Variants in CCDC141 observed in about 807,000 individuals in gnomAD.
The protein encoded by CCDC141 is coiled-coil domain-containing protein 141.
A neutral mutation model predicts 181.0 loss-of-function variants in CCDC141; 168 were observed. The observed-to-expected ratio is 0.93, with a 90% CI of 0.82 to 1.05. The LOEUF is 1.05. Among genes scored for constraint, CCDC141 ranks in the 50% least tolerant of loss-of-function variants. CCDC141 has a pLI of 0.00. For synonymous variants in CCDC141, 666 were observed against 642.3 expected (o/e 1.04, Z -0.56); for missense variants, 1,902 against 1,788.5 (o/e 1.06, Z -1.14).
At chr2:178,845,478 G>T (rs1360210730) in intron 22 of CCDC141, 148 bp downstream of exon 22, 2 of 597,470 alleles carry the variant, frequency 3.3e-6, no homozygotes, top group Admixed American at 5.9e-5. Context: ...AAGGAAGCAA[G>T]GGAGGAGGAA....
At chr2:178,998,192 G>GA in intron 2 of CCDC141, among the ~76,000 whole-genome samples, 1 of 152,296 alleles carries the variant, frequency 6.6e-6, no homozygotes, top group African/African-American at 2.4e-5. Flanking sequence ...GGGAGCTGTA[G>GA]AAAGTACTTC....
Position 178,833,242 on chromosome 2 carries a change from C to G in CCDC141, c.*931G>C, listed in dbSNP as rs1684331912. 1 of 152,080 alleles carries G rather than the reference C, an allele frequency of 6.6e-6. No homozygotes were observed. Among genetic ancestry groups the G allele is most frequent in the Non-Finnish European group, 1.5e-5 (1 of 68,010 alleles). The allele number at this position is 152,080 out of a possible 1,614,324, so 9.4% of individuals were successfully genotyped here. ...CGGTCTGATGACAAATTACATTAAACAATATCATTATCCTTAGCCCTCAGT... is the reference window on the plus strand; with the variant it reads ...CGGTCTGATGACAAATTACATTAAAGAATATCATTATCCTTAGCCCTCAGT... On this transcript the variant is annotated 3_prime_UTR_variant, in exon 24 of 24. Transcript: ENST00000443758.
chr2:178,857,223 AG>A (rs1186789026), intron 17 of CCDC141, among the ~76,000 whole-genome samples: 1 of 152,208 alleles, frequency 6.6e-6, no homozygotes, highest in African/African-American at 2.4e-5. Flanking sequence ...GGCTCCAAAA[AG>A]CTATCCATGT....
At chr2:178,897,535 CTTAA>C (rs1186417890) in intron 8 of CCDC141, among the ~76,000 whole-genome samples, 5 of 152,090 alleles carry the variant, frequency 3.3e-5, no homozygotes, top group African/African-American at 7.2e-5. Flanking sequence ...ACAGATAATG[CTTAA>C]TTAAAGTTAC....
chr2:178,973,461 G>A (rs1690988465), intron 4 of CCDC141, among the ~76,000 whole-genome samples: 1 of 152,094 alleles, frequency 6.6e-6, no homozygotes, highest in Non-Finnish European at 1.5e-5. Context: ...ACTCTTGAAG[G>A]CTGGTACCCC....
the CCDC141 span, among the ~76,000 whole-genome samples, chr2:178,816,682 T>C: frequency 6.6e-6 from 1 of 152,206 alleles, no homozygotes; most frequent in Non-Finnish European, 1.5e-5. Flanking sequence ...TTCCTGGTGC[T>C]TCACATCCTC....
At chr2:178,915,183 A>G (rs1457396285) in intron 7 of CCDC141, among the ~76,000 whole-genome samples, 1 of 152,128 alleles carries the variant, frequency 6.6e-6, no homozygotes, top group Non-Finnish European at 1.5e-5. Context: ...CCCCCTGAAA[A>G]AAAAAGAAAG....
At chr2:178,968,279 T>C (rs575045292) in intron 4 of CCDC141, among the ~76,000 whole-genome samples, 37 of 152,328 alleles carry the variant, frequency 2.4e-4, no homozygotes, top group Admixed American at 4.6e-4. Flanking sequence ...TTCAACAGAA[T>C]ATACATTTTT....
At chr2:178,841,803 T>C (rs1222778237) in intron 22 of CCDC141, among the ~76,000 whole-genome samples, 1 of 152,158 alleles carries the variant, frequency 6.6e-6, no homozygotes, top group African/African-American at 2.4e-5. Flanking sequence ...CAGCTAATTT[T>C]TGTATTTTTA....
At chr2:178,979,678 A>T (rs1691279178) in intron 2 of CCDC141, among the ~76,000 whole-genome samples, 1 of 152,256 alleles carries the variant, frequency 6.6e-6, no homozygotes, top group South Asian at 2.1e-4. Flanking sequence ...GGACTATAAT[A>T]CTGAATAAAT....
intron 5 of CCDC141, among the ~76,000 whole-genome samples, chr2:178,955,935 C>T (rs1021286814): frequency 1.3e-5 from 2 of 152,306 alleles, no homozygotes; most frequent in East Asian, 1.9e-4. Context: ...TGAGACCAAT[C>T]GTCATCTGAG....
chr2:179,000,317 A>G (rs2041930626), intron 2 of CCDC141, among the ~76,000 whole-genome samples: 1 of 152,176 alleles, frequency 6.6e-6, no homozygotes, highest in African/African-American at 2.4e-5. Flanking sequence ...GAACACAACT[A>G]TGTCTACTGG....
At chr2:178,950,577 T>C (rs1023175334) in intron 5 of CCDC141, among the ~76,000 whole-genome samples, 1 of 152,204 alleles carries the variant, frequency 6.6e-6, no homozygotes, top group Non-Finnish European at 1.5e-5. Context: ...GGGTTTCCAT[T>C]TTTAGACGTA....
intron 2 of CCDC141, among the ~76,000 whole-genome samples, chr2:179,044,318 T>C (rs560351419): frequency 1.8e-4 from 27 of 152,296 alleles, no homozygotes; most frequent in Admixed American, 5.9e-4. Flanking sequence ...TTAAAATTCA[T>C]ATGAAACCAA....
chr2:179,024,643 GAT>G (rs1359731127), intron 2 of CCDC141, among the ~76,000 whole-genome samples: 4 of 152,290 alleles, frequency 2.6e-5, no homozygotes, highest in Admixed American at 2.6e-4. Flanking sequence ...AGAGAGCAAT[GAT>G]AATTTCCTCA....
intron 2 of CCDC141, among the ~76,000 whole-genome samples, chr2:179,010,987 A>T (rs56283971): frequency 0.84 from 126,835 of 151,784 alleles, 53,351 homozygotes; most frequent in East Asian, 0.93. Context: ...TGAAACCCTG[A>T]CTCTACTAAA....
chr2:178,955,421 G>A (rs1230553241), intron 5 of CCDC141, among the ~76,000 whole-genome samples: 3 of 151,880 alleles, frequency 2.0e-5, no homozygotes, highest in East Asian at 1.9e-4. Flanking sequence ...CAGAGTAAGC[G>A]TTAATTATTG....
In CCDC141 at chr2:178,973,375, A is replaced by C. The variant is rs924800; in HGVS notation, c.526+1682T>G. Among the ~76,000 whole-genome samples, 716 of 152,056 alleles carry C rather than the reference A, an allele frequency of 4.7e-3. 3 individuals are homozygous for C. Among genetic ancestry groups the C allele is most frequent in the Non-Finnish European group, 6.7e-3 (454 of 67,992 alleles). The stretch of plus-strand genomic sequence containing the variant: ...CATCAAGATGGAAGAATATTTTTTC[A>C]TCATAAAAATAAACTATGTTTCCTG... On this transcript the variant is annotated intron_variant, in intron 4 of 23. Transcript: ENST00000443758.
intron 2 of CCDC141, chr2:179,002,442 C>A: frequency 2.6e-6 from 1 of 383,710 alleles, no homozygotes; most frequent in South Asian, 2.0e-5. Context: ...CATGACGCCT[C>A]ATCACTTGGG....
Sources: gnomAD v4.1 joint callset for allele counts (sites outside exome capture counted in the v4.1 genomes callset) on GRCh38, gnomAD v4.1.1 for gene constraint, MANE v1.5 for transcripts, NCBI Gene and HGNC (gene_info 2026-07-23, HGNC 2026-07-21) for gene names.